The following LIMA1 variants were observed in gnomAD, a reference collection of about 807,000 sequenced individuals.
LIMA1 encodes LIM domain and actin binding 1, also known as LIM domain and actin-binding protein 1.
In LIMA1, 52 loss-of-function variants were observed where a neutral mutation model predicts 62.6. The ratio of observed to expected loss-of-function variants is 0.83; its 90% CI spans 0.67 to 1.05. The LOEUF (loss-of-function observed/expected upper bound fraction) is 1.05, where lower values mean the gene tolerates loss of function less well. LIMA1 is among the 50% of genes least tolerant of loss of function. The probability of loss-of-function intolerance (pLI) is 0.00; values close to 1 mark genes in which losing one functional copy is unlikely to be tolerated. For missense variants in LIMA1, 780 were observed against 902.2 expected (o/e 0.86, Z 1.74); for synonymous variants, 302 against 317.8 (o/e 0.95, Z 0.53).
intron 4 of LIMA1, among the ~76,000 whole-genome samples, chr12:50,213,892 T>C (rs569603291): frequency 6.6e-6 from 1 of 152,160 alleles, no homozygotes; most frequent in East Asian, 1.9e-4. Flanking sequence ...TTAGTGGACA[T>C]GAAAGTAAGC....
chr12:50,203,434 G>C (rs904657582), intron 6 of LIMA1, among the ~76,000 whole-genome samples: 1 of 150,894 alleles, frequency 6.6e-6, no homozygotes, highest in Non-Finnish European at 1.5e-5. Flanking sequence ...TTTTCCTGGA[G>C]ACGGAGTCTT....
chr12:50,187,418 T>C (rs1351507882), intron 9 of LIMA1: 1 of 152,230 alleles, frequency 6.6e-6, no homozygotes, highest in Non-Finnish European at 1.5e-5. Flanking sequence ...GTAATGAAAC[T>C]GAAATTCTTC....
At chr12:50,276,515 T>C (rs953913118) in intron 1 of LIMA1, among the ~76,000 whole-genome samples, 3 of 152,136 alleles carry the variant, frequency 2.0e-5, no homozygotes, top group African/African-American at 7.2e-5. Context: ...AAAGTGAGTA[T>C]TTAACCAATC....
Position 50,202,580 on chromosome 12 carries a change from G to A in LIMA1, c.865-1696C>T, listed in dbSNP as rs534229508. 1.5e-3 allele frequency among the ~76,000 whole-genome samples: 224 copies of A among 152,136 alleles called. 1 individual carries two copies. Among genetic ancestry groups the A allele is most frequent in the Non-Finnish European group, 2.8e-3 (188 of 68,002 alleles). The stretch of plus-strand genomic sequence containing the variant: ...AAATTTGCTCGCTTTTCACATTCAC[G>A]GTGCATAATCAGCCTGTGATACTCC... On this transcript the variant is annotated intron_variant, in intron 6 of 10. Coordinates refer to ENST00000341247, the MANE Select transcript of LIMA1 (RefSeq NM_016357.5).
intron 4 of LIMA1, among the ~76,000 whole-genome samples, chr12:50,210,188 CGAGGCAGGTGGATCACTT>C (rs1221258832): frequency 4.6e-5 from 7 of 151,788 alleles, no homozygotes; most frequent in Admixed American, 4.6e-4. Flanking sequence ...TTTGGGAGGC[CGAGGCAGGTGGATCACTT>C]GAGGTCAGGA....
Position 50,200,772 on chromosome 12 carries a change from C to G in LIMA1, c.972+5G>C. The G allele has an allele frequency of 6.2e-7, 1 of 1,613,674 alleles. No homozygotes were observed. Among genetic ancestry groups the G allele is most frequent in the Non-Finnish European group, 8.5e-7 (1 of 1,179,776 alleles). ...GGCAACTGGACATCAGACTTTTCAA[C>G]CTACCTTTTCCCCTTCCTGATGGGT... On this transcript the variant is annotated splice_donor_5th_base_variant and intron_variant, in intron 7 of 10. Transcript: ENST00000341247.
chr12:50,179,528 C>G (rs1414241140), intron 10 of LIMA1, among the ~76,000 whole-genome samples: 1 of 151,038 alleles, frequency 6.6e-6, no homozygotes, highest in Non-Finnish European at 1.5e-5. Context: ...AGCTCCGCCT[C>G]CCAGGTTCAC....
intron 2 of LIMA1, among the ~76,000 whole-genome samples, chr12:50,241,534 A>G (rs1809737913): frequency 6.6e-6 from 1 of 152,172 alleles, no homozygotes; most frequent in South Asian, 2.1e-4. Context: ...TTTAGCATGG[A>G]GGCATCTGTA....
chr12:50,201,548 T>C, intron 6 of LIMA1: 1 of 983,312 alleles, frequency 1.0e-6, no homozygotes, highest in Non-Finnish European at 1.2e-6. Flanking sequence ...TGCATTTTTT[T>C]CCTTGCAAAG....
At position 50,222,368 on chromosome 12, in the gene LIMA1, T is replaced by C. The variant is rs772719860; in HGVS notation, c.283A>G (p.Thr95Ala). 11 of 1,614,158 alleles carry C rather than the reference T, an allele frequency of 6.8e-6. No homozygotes were observed. The highest frequency in any genetic ancestry group is 8.5e-6 in the Non-Finnish European group (10 of 1,180,022). The change falls in exon 4 of 11, where the codon ACT becomes GCT. Residue 95 changes from threonine to alanine, a missense_variant. Transcript: ENST00000341247. ...SHTDSLRNSS[T>A]EIRHRADHPP... ...TGGTCTGCTCTGTGCCTAATCTCAG[T>C]GCTGCTGTTCCGTAGAGAGTCTGTG...
intron 7 of LIMA1, among the ~76,000 whole-genome samples, chr12:50,199,548 C>G (rs993409422): frequency 6.6e-6 from 1 of 152,126 alleles, no homozygotes; most frequent in Non-Finnish European, 1.5e-5. Flanking sequence ...CTGTATACCC[C>G]TCTCACAGCC....
Position 50,177,400 on chromosome 12 carries a change from C to T in LIMA1, c.1944G>A (p.Val648=), listed in dbSNP as rs201827979. ...CTTTGTTTTGCCAGGTTGTTTTTCC[C>T]ACATTCCCATTCTTCTTAGAAGCCT... ...NAKASKKNGN[V]GKTTWQNKES... Residue 648 remains valine, a synonymous_variant, in exon 11 of 11, where the codon GTG becomes GTA. Coordinates refer to ENST00000341247, the MANE Select transcript of LIMA1 (RefSeq NM_016357.5). 4.9e-5 allele frequency: 79 copies of T among 1,614,130 alleles called. 1 individual carries two copies. Among genetic ancestry groups the T allele is most frequent in the Middle Eastern group, 3.3e-4 (2 of 6,062 alleles).
rs1245022184 is a variant in LIMA1 at position 50,193,650 on chromosome 12, G to GTA, written c.1031-1091_1031-1090dup. Among the ~76,000 whole-genome samples, 463 of 64,280 alleles carry GTA rather than the reference G, an allele frequency of 7.2e-3. 1 individual carries two copies. Among genetic ancestry groups the GTA allele is most frequent in the Non-Finnish European group, 9.7e-3 (323 of 33,158 alleles). 42.2% of individuals were successfully genotyped at this position (64,280 alleles called of 152,430 possible). A position where few individuals can be genotyped will look rare whatever the true frequency, so the allele number is the denominator to read the frequency against. On this transcript the variant is annotated intron_variant, in intron 8 of 10. Coordinates refer to ENST00000341247, the MANE Select transcript of LIMA1 (RefSeq NM_016357.5). ...TATATACGTGTGTGTGTGTGTGTGT[G>GTA]TATATATATATATATATTTTTTTTT... is the stretch of plus-strand genomic sequence containing the variant.
intron 1 of LIMA1, among the ~76,000 whole-genome samples, chr12:50,258,080 G>A (rs369394195): frequency 2.6e-5 from 4 of 151,956 alleles, no homozygotes; most frequent in African/African-American, 9.7e-5. Context: ...TTACTTTCTA[G>A]CACTGCAAGA....
intron 9 of LIMA1, among the ~76,000 whole-genome samples, chr12:50,183,252 G>A (rs1296742429): frequency 6.6e-6 from 1 of 152,108 alleles, no homozygotes; most frequent in South Asian, 2.1e-4. Context: ...GTGGGGAGTA[G>A]ATGGGAATGC....
intron 4 of LIMA1, among the ~76,000 whole-genome samples, chr12:50,221,618 T>G (rs572308431): frequency 6.6e-6 from 1 of 152,208 alleles, no homozygotes; most frequent in Admixed American, 6.6e-5. Flanking sequence ...TCAGTCTTAA[T>G]GTTAAACTCC....
At position 50,205,889 on chromosome 12, in the gene LIMA1, C is replaced by T. The variant is rs147306934; in HGVS notation, c.715+95G>A. ...GCAGACTTCCTTTTAATTTGTGCCA[C>T]TCTTCCTTTAAAAGCATTGGCTTCG... On this transcript the variant is annotated intron_variant, in intron 5 of 10. Coordinates refer to ENST00000341247, the MANE Select transcript of LIMA1 (RefSeq NM_016357.5). The T allele has an allele frequency of 4.8e-4, 366 of 756,474 alleles. 1 individual carries two copies. The highest frequency in any genetic ancestry group is 2.8e-4 in the Non-Finnish European group (136 of 482,970). 46.9% of individuals were successfully genotyped at this position (756,474 alleles called of 1,614,324 possible). A position where few individuals can be genotyped will look rare whatever the true frequency, so the allele number is the denominator to read the frequency against.
At chr12:50,179,322 A>T (rs1318518799) in intron 10 of LIMA1, among the ~76,000 whole-genome samples, 1 of 151,608 alleles carries the variant, frequency 6.6e-6, no homozygotes, top group African/African-American at 2.4e-5. Context: ...TTGTATTTTT[A>T]GTAGAGACGG....
chr12:50,179,955 A>G (rs1201274426), intron 10 of LIMA1, among the ~76,000 whole-genome samples: 6 of 151,632 alleles, frequency 4.0e-5, no homozygotes, highest in African/African-American at 1.5e-4. Context: ...ACTTGAGGTC[A>G]GAAGTTTGAG....
Sources: gnomAD v4.1 joint callset for allele counts (sites outside exome capture counted in the v4.1 genomes callset) on GRCh38, gnomAD v4.1.1 for gene constraint, MANE v1.5 for transcripts, NCBI Gene and HGNC (gene_info 2026-07-23, HGNC 2026-07-21) for gene names.